Variants in ALK observed in about 807,000 individuals in gnomAD.
The protein encoded by ALK is ALK tyrosine kinase receptor.
ALK carries 74 observed loss-of-function variants against 163.1 expected under a neutral mutation model. The observed-to-expected ratio is 0.45, with a 90% CI of 0.38 to 0.55. ALK has a LOEUF of 0.55. Among genes scored for constraint, ALK ranks in the 20% least tolerant of loss-of-function variants. ALK has a pLI of 0.00. For missense variants in ALK, 2,063 were observed against 2,105.3 expected (o/e 0.98, Z 0.39); for synonymous variants, 960 against 843.2 (o/e 1.14, Z -2.40).
intron 3 of ALK, among the ~76,000 whole-genome samples, chr2:29,532,468 A>G (rs964986736): frequency 9.2e-5 from 14 of 152,190 alleles, no homozygotes; most frequent in Admixed American, 7.2e-4. Context: ...TTCCCTTACT[A>G]GTTGAATGAT....
intron 3 of ALK, among the ~76,000 whole-genome samples, chr2:29,684,381 C>T (rs1678175836): frequency 6.6e-6 from 1 of 152,190 alleles, no homozygotes; most frequent in African/African-American, 2.4e-5. Context: ...AACGCCAACC[C>T]AGCACTCAAC....
intron 23 of ALK, 68 bp from the exon 24 acceptor site, chr2:29,214,149 T>C: frequency 7.4e-7 from 1 of 1,345,328 alleles, no homozygotes; most frequent in Non-Finnish European, 1.1e-6. Context: ...TCTGAAATGC[T>C]GGCTTCCAGT....
intron 5 of ALK, among the ~76,000 whole-genome samples, chr2:29,367,096 A>C (rs1668526813): frequency 6.6e-6 from 1 of 152,042 alleles, no homozygotes; most frequent in African/African-American, 2.4e-5. Context: ...TGTGCCTATT[A>C]TCCATTTAAT....
At chr2:29,309,403 C>G (rs1666634431) in intron 8 of ALK, among the ~76,000 whole-genome samples, 1 of 152,208 alleles carries the variant, frequency 6.6e-6, no homozygotes, top group African/African-American at 2.4e-5. Flanking sequence ...GGGGCTGAGA[C>G]AGTGATTCTT....
At chr2:29,743,822 T>C (rs1680129457) in intron 1 of ALK, among the ~76,000 whole-genome samples, 1 of 152,064 alleles carries the variant, frequency 6.6e-6, no homozygotes, top group African/African-American at 2.4e-5. Context: ...AGGGCACAGG[T>C]TCTAATGAGG....
intron 22 of ALK, 85 bp downstream of exon 22, chr2:29,222,259 T>G: frequency 1.2e-5 from 15 of 1,232,796 alleles, no homozygotes; most frequent in Non-Finnish European, 1.7e-5. Context: ...CGATTTCCCT[T>G]GGAGATATCG....
chr2:29,509,466 C>A (rs77660554), intron 4 of ALK, among the ~76,000 whole-genome samples: 2,693 of 152,240 alleles, frequency 0.018, 92 homozygotes, highest in African/African-American at 0.062. Flanking sequence ...TTCTCTCATG[C>A]TTTTCAGTGA....
intron 1 of ALK, among the ~76,000 whole-genome samples, chr2:29,825,936 T>C (rs1054652860): frequency 9.9e-5 from 15 of 152,154 alleles, no homozygotes; most frequent in South Asian, 2.1e-4. Context: ...AGAGTGACTA[T>C]GGAAAGATGT....
intron 3 of ALK, among the ~76,000 whole-genome samples, chr2:29,582,811 A>G (rs1273820512): frequency 6.6e-6 from 1 of 152,066 alleles, no homozygotes; most frequent in Non-Finnish European, 1.5e-5. Context: ...TTCCAGTGTC[A>G]ACTTCACACA....
chr2:29,591,374 C>T (rs902045314), intron 3 of ALK, among the ~76,000 whole-genome samples: 1 of 152,090 alleles, frequency 6.6e-6, no homozygotes, highest in African/African-American at 2.4e-5. Flanking sequence ...GACTACTTGG[C>T]TTTTGGAAGC....
intron 3 of ALK, among the ~76,000 whole-genome samples, chr2:29,589,729 A>G (rs556108950): frequency 6.6e-6 from 1 of 152,322 alleles, no homozygotes; most frequent in Non-Finnish European, 1.5e-5. Flanking sequence ...GGGAAGTTAC[A>G]CTATCCCCAT....
chr2:29,624,306 A>G (rs1676129084), intron 3 of ALK, among the ~76,000 whole-genome samples: 1 of 152,230 alleles, frequency 6.6e-6, no homozygotes, highest in South Asian at 2.1e-4. Context: ...AATCTGATTT[A>G]GGTCTTTTAT....
intron 1 of ALK, among the ~76,000 whole-genome samples, chr2:29,768,330 T>C (rs1029475546): frequency 3.3e-5 from 5 of 152,242 alleles, no homozygotes; most frequent in African/African-American, 1.2e-4. Context: ...CAGGGAGAGC[T>C]GATGGCTTTT....
intron 3 of ALK, among the ~76,000 whole-genome samples, chr2:29,639,571 T>C (rs1368253498): frequency 2.6e-5 from 4 of 152,202 alleles, no homozygotes; most frequent in Non-Finnish European, 4.4e-5. Context: ...AATATATTTA[T>C]AGAATAGGAA....
chr2:29,317,594 T>C (rs1278957162), intron 8 of ALK, among the ~76,000 whole-genome samples: 1 of 152,234 alleles, frequency 6.6e-6, no homozygotes, highest in African/African-American at 2.4e-5. Flanking sequence ...GGATAGGCAC[T>C]ATAAATGTGT....
chr2:29,256,203 C>T (rs1047355518), intron 11 of ALK, among the ~76,000 whole-genome samples: 17 of 152,122 alleles, frequency 1.1e-4, no homozygotes, highest in African/African-American at 4.1e-4. Flanking sequence ...AGCCTTGATC[C>T]CCAGGTAGAA....
chr2:29,271,825 C>G (rs1285161895), intron 11 of ALK, among the ~76,000 whole-genome samples: 2 of 152,250 alleles, frequency 1.3e-5, no homozygotes, highest in Non-Finnish European at 2.9e-5. Context: ...AGACCTACCT[C>G]TCACCAAATA....
intron 4 of ALK, among the ~76,000 whole-genome samples, chr2:29,422,154 G>A (rs540565398): frequency 1.3e-5 from 2 of 151,544 alleles, no homozygotes; most frequent in East Asian, 1.9e-4. Context: ...TAAGGTAGGT[G>A]TGACTCCACC....
At chr2:29,282,807 T>C (rs946804424) in intron 9 of ALK, among the ~76,000 whole-genome samples, 3 of 152,082 alleles carry the variant, frequency 2.0e-5, no homozygotes, top group Non-Finnish European at 2.9e-5. Context: ...CATTCTCAGT[T>C]TGAGGCTTCC....
Sources: gnomAD v4.1 joint callset for allele counts (sites outside exome capture counted in the v4.1 genomes callset) on GRCh38, gnomAD v4.1.1 for gene constraint, MANE v1.5 for transcripts, NCBI Gene and HGNC (gene_info 2026-07-23, HGNC 2026-07-21) for gene names.